The following POLN variants were observed in gnomAD, a reference collection of about 807,000 sequenced individuals.
POLN encodes the protein DNA polymerase N.
POLN carries 108 observed loss-of-function variants against 113.5 expected under a neutral mutation model. The observed-to-expected ratio is 0.95, with a 90% confidence interval of 0.81 to 1.12. The LOEUF is 1.12. Among genes scored for constraint, POLN ranks in the 50% most tolerant of loss-of-function variants. The pLI is 0.00. For synonymous variants in POLN, 386 were observed against 391.5 expected (o/e 0.99, Z 0.17); for missense variants, 1,097 against 1,077.1 (o/e 1.02, Z -0.26).
intron 18 of POLN, among the ~76,000 whole-genome samples, 162 bp downstream of exon 18, chr4:2,129,017 T>C (rs567238629): frequency 4.7e-4 from 66 of 141,394 alleles, no homozygotes; most frequent in Non-Finnish European, 7.2e-4. Flanking sequence ...ATCATGCCAC[T>C]GCACTCCAGC....
At position 2,075,352 on chromosome 4, in the gene POLN, G is replaced by A. The variant is rs1730250397; in HGVS notation, c.2455+100C>T. 3.1e-6 allele frequency: 4 copies of A among 1,293,978 alleles called. No individual in the cohort carries two copies. In the Admixed American group the frequency reaches 5.8e-5, roughly 19 times the overall value. 80.2% of individuals were successfully genotyped at this position (1,293,978 alleles called of 1,614,324 possible). ...GAGGTGGGGCAGGGGCCATAAAAGG[G>A]AAGACAGCTGAGGGGCTTTCCTGGG... On this transcript the variant is annotated intron_variant, in intron 24 of 25. Transcript: ENST00000511885.
At chr4:2,187,407 C>T (rs970582829) in intron 7 of POLN, among the ~76,000 whole-genome samples, 3 of 152,060 alleles carry the variant, frequency 2.0e-5, no homozygotes, top group Non-Finnish European at 2.9e-5. Context: ...CCATGCCCGG[C>T]TCACTTTTGA....
chr4:2,188,719 A>G (rs936124957), intron 7 of POLN, among the ~76,000 whole-genome samples: 2 of 151,668 alleles, frequency 1.3e-5, no homozygotes, highest in Admixed American at 1.3e-4. Context: ...CAAACTCAGC[A>G]TACTCTAACA....
intron 2 of POLN, 90 bp from the exon 3 acceptor site, chr4:2,229,333 C>T: frequency 2.9e-6 from 3 of 1,016,984 alleles, no homozygotes; most frequent in East Asian, 2.9e-5. Context: ...AATTTATATA[C>T]CAACTTTCAT....
intron 12 of POLN, 125 bp downstream of exon 12, chr4:2,170,973 G>C: frequency 3.2e-6 from 3 of 947,150 alleles, no homozygotes; most frequent in South Asian, 1.7e-5. Context: ...TTACTTGTGA[G>C]AGAACATGAA....
Position 2,156,807 on chromosome 4 carries a change from C to G in POLN, c.1712G>C (p.Arg571Thr). ...TWNQTGTVTG[R>T]LSAKHPNIQG... is the part of the protein sequence containing the mutation. ...ACTTACAGGATGCTTGGCTGAAAGTCTTCCAGTCACAGTTCCAGTCTGATT... is the reference window on the plus strand; with the variant it reads ...ACTTACAGGATGCTTGGCTGAAAGTGTTCCAGTCACAGTTCCAGTCTGATT... Residue 571 changes from arginine (R) to threonine (T), a missense_variant, in exon 16 of 26, where the codon AGA becomes ACA. By Grantham distance (71) the Arg-to-Thr change is moderately conservative. Coordinates refer to ENST00000511885, the MANE Select transcript of POLN (RefSeq NM_181808.4). The G allele has an allele frequency of 6.2e-7, 1 of 1,613,234 alleles. No homozygotes were observed. The highest frequency in any genetic ancestry group is 8.5e-7 in the Non-Finnish European group (1 of 1,179,144).
chr4:2,204,142 T>A (rs756191722), intron 5 of POLN, among the ~76,000 whole-genome samples: 1,930 of 91,034 alleles, frequency 0.021, 16 homozygotes, highest in Non-Finnish European at 0.032. Context: ...AAAAGATAAA[T>A]GAAACAAAAG....
At chr4:2,164,080 T>A (rs1274360542) in intron 13 of POLN, among the ~76,000 whole-genome samples, 1 of 152,170 alleles carries the variant, frequency 6.6e-6, no homozygotes, top group African/African-American at 2.4e-5. Context: ...TATCACAAGG[T>A]CCTTTCTGTT....
chr4:2,224,018 C>T (rs940536580), intron 3 of POLN, among the ~76,000 whole-genome samples: 1 of 152,164 alleles, frequency 6.6e-6, no homozygotes, highest in African/African-American at 2.4e-5. Flanking sequence ...TTACTTTATA[C>T]ACTTTTAAAT....
At chr4:2,236,596 C>T (rs554705755) in intron 2 of POLN, 12 of 634,778 alleles carry the variant, frequency 1.9e-5, no homozygotes, top group African/African-American at 9.2e-5. Flanking sequence ...CAGTAGCTCA[C>T]GCCTGTAATC....
intron 19 of POLN, among the ~76,000 whole-genome samples, chr4:2,123,276 A>G (rs891053387): frequency 2.0e-5 from 3 of 151,706 alleles, no homozygotes; most frequent in African/African-American, 7.3e-5. Flanking sequence ...GTTGCTTTGT[A>G]ATCAGGAATT....
At chr4:2,211,409 A>T (rs2108765705) in intron 4 of POLN, among the ~76,000 whole-genome samples, 1 of 152,206 alleles carries the variant, frequency 6.6e-6, no homozygotes, top group Middle Eastern at 3.4e-3. Context: ...AGCAGAAATC[A>T]TGTACTTTGC....
intron 23 of POLN, chr4:2,079,185 G>T: frequency 5.4e-6 from 1 of 185,094 alleles, no homozygotes; most frequent in Non-Finnish European, 1.0e-5. Flanking sequence ...ACCCGACTCG[G>T]CCTCCCAAAT....
intron 6 of POLN, among the ~76,000 whole-genome samples, chr4:2,196,745 G>C (rs1733584762): frequency 6.6e-6 from 1 of 152,164 alleles, no homozygotes; most frequent in Non-Finnish European, 1.5e-5. Flanking sequence ...GAAAGGGACA[G>C]AAGGAAGTAA....
intron 13 of POLN, among the ~76,000 whole-genome samples, chr4:2,162,569 G>T (rs1296653511): frequency 6.6e-6 from 1 of 152,174 alleles, no homozygotes; most frequent in Non-Finnish European, 1.5e-5. Context: ...CTATCCTCCT[G>T]CCTCAACCTC....
intron 20 of POLN, among the ~76,000 whole-genome samples, chr4:2,091,754 C>T (rs951771912): frequency 6.9e-6 from 1 of 144,358 alleles, no homozygotes; most frequent in Admixed American, 7.0e-5. Flanking sequence ...GGTGGGTACA[C>T]GTGAATCTGT....
In POLN at chr4:2,207,980, T is replaced by C; in HGVS notation, c.714+7A>G. 1 of 1,584,684 alleles carries C rather than the reference T, an allele frequency of 6.3e-7. No homozygotes were observed. The highest frequency in any genetic ancestry group is 2.2e-5 in the East Asian group (1 of 44,542). On this transcript the variant is annotated splice_region_variant and intron_variant, in intron 5 of 25. Transcript: ENST00000511885. ...GACAGCAAATAAAAACATCACTGTT[T>C]ACTAACCTGGTCAGCTCCTAGCTGG...
chr4:2,149,854 A>C (rs1732246207), intron 16 of POLN, among the ~76,000 whole-genome samples: 2 of 151,958 alleles, frequency 1.3e-5, no homozygotes, highest in African/African-American at 2.4e-5. Flanking sequence ...GAGGCCAAGG[A>C]GGGCGGATCA....
intron 20 of POLN, chr4:2,088,785 G>A: frequency 1.5e-6 from 2 of 1,342,732 alleles, no homozygotes; most frequent in African/African-American, 1.5e-5. Flanking sequence ...AAGTCAAATG[G>A]TATTATCGCT....
Sources: allele counts gnomAD v4.1 joint callset (sites outside exome capture counted in the v4.1 genomes callset), GRCh38; gene constraint gnomAD v4.1.1; transcripts MANE v1.5; gene names NCBI Gene and HGNC (gene_info 2026-07-23, HGNC 2026-07-21).